Variants in SUMF1 observed in about 807,000 individuals in gnomAD.
SUMF1 encodes the protein formylglycine-generating enzyme.
In SUMF1, 48 loss-of-function variants were observed where a neutral mutation model predicts 47.6. The ratio of observed to expected loss-of-function variants is 1.01; its 90% CI spans 0.80 to 1.28. The LOEUF is 1.28. SUMF1 is among the 50% of genes most tolerant of loss of function. The pLI is 0.00. For synonymous variants in SUMF1, 230 were observed against 192.1 expected (o/e 1.20, Z -1.63); for missense variants, 571 against 485.4 (o/e 1.18, Z -1.66).
intron 8 of SUMF1, among the ~76,000 whole-genome samples, chr3:4,240,269 T>A (rs1425558064): frequency 1.3e-5 from 2 of 152,196 alleles, no homozygotes; most frequent in African/African-American, 4.8e-5. Context: ...GGTATCAGGA[T>A]GAAGCTAGCC....
At chr3:4,284,441 A>AAGGAGGAGGGGG (rs1697589402) in intron 8 of SUMF1, among the ~76,000 whole-genome samples, 1 of 91,640 alleles carries the variant, frequency 1.1e-5, no homozygotes, top group African/African-American at 3.2e-5. Flanking sequence ...TAAAAAATGA[A>AAGGAGGAGGGGG]AGGAGGAGGA....
At chr3:4,411,014 T>C (rs1701524261) in intron 6 of SUMF1, 36 bp from the exon 7 acceptor site, 2 of 1,537,792 alleles carry the variant, frequency 1.3e-6, no homozygotes, top group Non-Finnish European at 1.8e-6. Context: ...TGTCAAACTA[T>C]TCACCTGGTT....
At chr3:4,196,661 C>G (rs1461159895) in intron 8 of SUMF1, among the ~76,000 whole-genome samples, 1 of 152,130 alleles carries the variant, frequency 6.6e-6, no homozygotes, top group Non-Finnish European at 1.5e-5. Flanking sequence ...TTTTCTACCT[C>G]TAACCCTTTT....
intron 8 of SUMF1, among the ~76,000 whole-genome samples, chr3:4,259,156 T>G (rs1185300622): frequency 6.6e-6 from 1 of 150,742 alleles, no homozygotes; most frequent in Non-Finnish European, 1.5e-5. Flanking sequence ...GAGATATACC[T>G]AATGCTAGAT....
At chr3:4,273,216 TAC>T (rs1019694019) in intron 8 of SUMF1, among the ~76,000 whole-genome samples, 13 of 151,612 alleles carry the variant, frequency 8.6e-5, no homozygotes, top group Non-Finnish European at 1.9e-4. Flanking sequence ...CACAAACACA[TAC>T]ACAGGAATGT....
intron 8 of SUMF1, among the ~76,000 whole-genome samples, chr3:4,253,453 G>A (rs1303508597): frequency 1.3e-5 from 2 of 152,188 alleles, no homozygotes; most frequent in African/African-American, 2.4e-5. Flanking sequence ...CACCTGGGAA[G>A]CACAAGGGGT....
chr3:4,371,610 G>A (rs925830388), intron 8 of SUMF1, among the ~76,000 whole-genome samples: 6 of 152,190 alleles, frequency 3.9e-5, no homozygotes, highest in African/African-American at 1.4e-4. Flanking sequence ...TGGTAGGATG[G>A]TGAGGATTTC....
intron 8 of SUMF1, among the ~76,000 whole-genome samples, chr3:4,166,924 G>C (rs1694720500): frequency 1.3e-5 from 2 of 152,126 alleles, no homozygotes; most frequent in African/African-American, 4.8e-5. Context: ...TGACACCCAT[G>C]TGTTTAGTCC....
chr3:4,232,273 A>C (rs2124984467), intron 8 of SUMF1, among the ~76,000 whole-genome samples: 1 of 152,280 alleles, frequency 6.6e-6, no homozygotes, highest in East Asian at 1.9e-4. Context: ...GATGAGGGAA[A>C]GACAGCAAGC....
chr3:4,364,692 T>A (rs1439584725), intron 8 of SUMF1, among the ~76,000 whole-genome samples: 3 of 150,518 alleles, frequency 2.0e-5, no homozygotes, highest in South Asian at 2.1e-4. Flanking sequence ...GATTCATTAA[T>A]TTTTTGAAGG....
chr3:4,092,365 A>G (rs1692806828), intron 8 of SUMF1, among the ~76,000 whole-genome samples: 1 of 152,140 alleles, frequency 6.6e-6, no homozygotes, highest in Non-Finnish European at 1.5e-5. Context: ...TAGCAGCACA[A>G]GCATCCCCCA....
rs930297987 is a variant in SUMF1 at position 4,135,472 on chromosome 3, C to T, written c.1015-66727G>A. ...TAAATTAGGTATTGATGGGATGTATCTCAAAATAATAACAGCTATCTATGA... is the reference window on the plus strand; with the variant it reads ...TAAATTAGGTATTGATGGGATGTATTTCAAAATAATAACAGCTATCTATGA... On this transcript the variant is annotated intron_variant and NMD_transcript_variant, in intron 8 of 12. Coordinates refer to the SUMF1 transcript ENST00000448413. 3.6e-5 allele frequency among the ~76,000 whole-genome samples: 5 copies of T among 139,596 alleles called. No homozygotes were observed. The South Asian group carries it at 1.1e-3, about 32-fold the overall frequency. The allele number at this position is 139,596 out of a possible 152,430, so 91.6% of individuals were successfully genotyped here.
intron 8 of SUMF1, among the ~76,000 whole-genome samples, chr3:4,236,685 T>C (rs1035618144): frequency 6.6e-6 from 1 of 152,156 alleles, no homozygotes; most frequent in African/African-American, 2.4e-5. Context: ...ATATATCCCT[T>C]GTCACCTATC....
At chr3:4,057,156 CAG>C (rs1309471718) in intron 9 of SUMF1, among the ~76,000 whole-genome samples, 2 of 152,116 alleles carry the variant, frequency 1.3e-5, no homozygotes, top group Non-Finnish European at 2.9e-5. Flanking sequence ...TGCAGGATGA[CAG>C]AGGGGCAACA....
intron 1 of SUMF1, among the ~76,000 whole-genome samples, chr3:4,457,226 G>A (rs1163531764): frequency 6.6e-6 from 1 of 151,684 alleles, no homozygotes; most frequent in African/African-American, 2.4e-5. Context: ...ACAGGCATGA[G>A]TTACCACACC....
At chr3:4,124,572 T>A (rs184992703) in intron 8 of SUMF1, among the ~76,000 whole-genome samples, 8 of 151,520 alleles carry the variant, frequency 5.3e-5, no homozygotes, top group Admixed American at 4.6e-4. Flanking sequence ...TCCTAAATCA[T>A]ATATATTTTA....
intron 8 of SUMF1, among the ~76,000 whole-genome samples, chr3:4,321,757 A>T (rs1023648072): frequency 6.6e-6 from 1 of 152,136 alleles, no homozygotes; most frequent in Admixed American, 6.6e-5. Context: ...GAAAAGGGGG[A>T]CCATAAATTC....
At chr3:4,263,197 A>T (rs1431783099) in intron 8 of SUMF1, among the ~76,000 whole-genome samples, 1 of 152,150 alleles carries the variant, frequency 6.6e-6, no homozygotes, top group Non-Finnish European at 1.5e-5. Flanking sequence ...ATCCTTTTTA[A>T]TGCCTCTCCA....
rs770091674 is a variant in SUMF1 at position 4,335,960 on chromosome 3, C to CAAAAAAA, written c.1014+40363_1014+40369dup. On this transcript the variant is annotated intron_variant and NMD_transcript_variant, in intron 8 of 12. Coordinates refer to the SUMF1 transcript ENST00000448413. ...TGGACAACTGAGTGAGATTCCAACT[C>CAAAAAAA]AAAAAAAAAAAAAAAAAAAACAGAA... Among the ~76,000 whole-genome samples, 252 of 73,840 alleles carry CAAAAAAA rather than the reference C, an allele frequency of 3.4e-3. 19 individuals carry two copies. The Middle Eastern group carries it at 0.037, about 11-fold the overall frequency. 48.4% of individuals were successfully genotyped at this position (73,840 alleles called of 152,430 possible). A position where few individuals can be genotyped will look rare whatever the true frequency, so the allele number is the denominator to read the frequency against.
Sources: gnomAD v4.1 joint callset for allele counts (sites outside exome capture counted in the v4.1 genomes callset) on GRCh38, gnomAD v4.1.1 for gene constraint, MANE v1.5 for transcripts, NCBI Gene and HGNC (gene_info 2026-07-23, HGNC 2026-07-21) for gene names.